MRM3: variants seen among roughly 807,000 people sequenced by gnomAD.
The protein encoded by MRM3 is rRNA methyltransferase 3, mitochondrial.
A neutral mutation model predicts 29.4 loss-of-function variants in MRM3; 26 were observed. The observed-to-expected ratio is 0.89, with a 90% CI of 0.65 to 1.23. The LOEUF is 1.23. Among genes scored for constraint, MRM3 ranks in the 50% most tolerant of loss-of-function variants. The pLI, the probability that MRM3 is intolerant of heterozygous loss-of-function variation, is 0.00. For synonymous variants in MRM3, 225 were observed against 219.0 expected, an observed-to-expected ratio of 1.03 and a Z score of -0.24; for missense variants, 578 against 540.2, an observed-to-expected ratio of 1.07 and a Z score of -0.69.
Position 787,610 on chromosome 17 carries a change from G to A in MRM3, c.560-355G>A, listed in dbSNP as rs1009085929. Among the ~76,000 whole-genome samples, 1 of 151,876 alleles carries A rather than the reference G, an allele frequency of 6.6e-6. No individual in the cohort carries two copies. Among genetic ancestry groups the A allele is most frequent in the Non-Finnish European group, 1.5e-5 (1 of 67,956 alleles). On this transcript the variant is annotated intron_variant, in intron 2 of 3. Coordinates refer to ENST00000304478, the MANE Select transcript of MRM3 (RefSeq NM_018146.4). This position sits in a 1 kb window ranked among gnomAD's most constrained non-coding sequence, Gnocchi z 4.1. ...GTCGCCCAGGCTGGAGTGCAGTGGC[G>A]TGATCTTGGCTCACCACAACCTCCA...
chr17:785,655 C>G (rs561533385), intron 2 of MRM3, among the ~76,000 whole-genome samples: 1 of 152,318 alleles, frequency 6.6e-6, no homozygotes, highest in South Asian at 2.1e-4. Context: ...CCTACAGCCC[C>G]TTCGTTTTGC....
intron 2 of MRM3, among the ~76,000 whole-genome samples, chr17:783,776 A>G (rs1342821000): frequency 6.6e-6 from 1 of 152,238 alleles, no homozygotes; most frequent in Non-Finnish European, 1.5e-5. Context: ...GAGTATTTTC[A>G]ATGGAAATTG....
chr17:783,702 G>A (rs534242252), intron 2 of MRM3, among the ~76,000 whole-genome samples: 7 of 152,284 alleles, frequency 4.6e-5, no homozygotes, highest in Admixed American at 3.9e-4. Context: ...TAGGACAGCA[G>A]CATTGAAATG....
rs1161704844 is a variant in MRM3, at chr17:788,127, C to G, written c.722C>G (p.Thr241Ser). The change falls in exon 3 of 4, where the codon ACC becomes AGC. Residue 241 changes from threonine (T) to serine (S), a missense_variant. Thr to Ser is a moderately conservative substitution (Grantham distance 58). Transcript: ENST00000304478. Reference protein sequence around the residue: ...AGAGCSKVLLTKGCVDAWEPK... With the variant: ...AGAGCSKVLLSKGCVDAWEPK... ...GCAGGCTGCAGCAAAGTGTTACTCACCAAAGGTAAGGACATCAAAGGCCAG... is the reference window on the plus strand; with the variant it reads ...GCAGGCTGCAGCAAAGTGTTACTCAGCAAAGGTAAGGACATCAAAGGCCAG... The G allele has an allele frequency of 6.2e-7, 1 of 1,614,042 alleles. No homozygotes were observed. The highest frequency in any genetic ancestry group is 8.5e-7 in the Non-Finnish European group (1 of 1,179,992).
At chr17:788,542 G>C (rs575622105) in intron 3 of MRM3, among the ~76,000 whole-genome samples, 1 of 150,398 alleles carries the variant, frequency 6.6e-6, no homozygotes, top group Admixed American at 6.6e-5. Flanking sequence ...TGTTGAACTG[G>C]CTCTGACTCA....
At chr17:786,512 T>G (rs1210644878) in intron 2 of MRM3, among the ~76,000 whole-genome samples, 1 of 152,056 alleles carries the variant, frequency 6.6e-6, no homozygotes, top group Non-Finnish European at 1.5e-5. Flanking sequence ...CCTAACCTCA[T>G]GATCCGCCCA....
chr17:783,054 CT>C (rs773249946), intron 1 of MRM3, 28 bp from the exon 2 acceptor site: 132 of 1,512,366 alleles, frequency 8.7e-5, no homozygotes, highest in African/African-American at 7.8e-4. Context: ...TGATAGTTAC[CT>C]GTTTTTTTTT....
intron 3 of MRM3, among the ~76,000 whole-genome samples, chr17:788,374 C>CA (rs1910637075): frequency 1.3e-5 from 2 of 151,724 alleles, no homozygotes; most frequent in South Asian, 4.2e-4. Flanking sequence ...CAAAGCTCAT[C>CA]ACATGTCAAG....
rs150374038 is a variant in MRM3, at chr17:791,019, T to G, written c.728-515T>G. On this transcript the variant is annotated intron_variant, in intron 3 of 3. Coordinates refer to ENST00000304478, the MANE Select transcript of MRM3 (RefSeq NM_018146.4). Reference sequence around the variant, plus strand: ...GTGCCGCCACAGCGCCACCGCTGATTGGCCGGCTCACCATGCTTGCAGTCC... The same window carrying G: ...GTGCCGCCACAGCGCCACCGCTGATGGGCCGGCTCACCATGCTTGCAGTCC... 3.6e-3 allele frequency among the ~76,000 whole-genome samples: 551 copies of G among 152,134 alleles called. 1 individual carries two copies. The highest frequency in any genetic ancestry group is 5.2e-3 in the Non-Finnish European group (351 of 67,978).
intron 2 of MRM3, among the ~76,000 whole-genome samples, chr17:786,878 G>A (rs1910558907): frequency 6.6e-6 from 1 of 152,174 alleles, no homozygotes; most frequent in Admixed American, 6.5e-5. Context: ...AGCAGCATTT[G>A]TAACAGGGAA....
chr17:789,280 C>T (rs11658079), intron 3 of MRM3, among the ~76,000 whole-genome samples: 132,620 of 152,246 alleles, frequency 0.87, 57,987 homozygotes, highest in African/African-American at 0.95. Flanking sequence ...ATATGAGCCA[C>T]TCCTGAGTCT....
At chr17:789,176 C>T (rs542062316) in intron 3 of MRM3, among the ~76,000 whole-genome samples, 1 of 152,268 alleles carries the variant, frequency 6.6e-6, no homozygotes, top group Non-Finnish European at 1.5e-5. Flanking sequence ...TGTTAGAGAA[C>T]TTCACATCGA....
At chr17:785,634 C>T (rs1482656740) in intron 2 of MRM3, among the ~76,000 whole-genome samples, 5 of 152,200 alleles carry the variant, frequency 3.3e-5, no homozygotes, top group Non-Finnish European at 7.3e-5. Context: ...GTGACTCAAG[C>T]GTTCACTGCA....
At chr17:783,544 C>A in intron 2 of MRM3, 1 of 407,178 alleles carries the variant, frequency 2.5e-6, no homozygotes, top group Non-Finnish European at 4.5e-6. Context: ...ACCATGTTGG[C>A]CAGGCTGACG....
chr17:786,163 C>T (rs1057034498), intron 2 of MRM3, among the ~76,000 whole-genome samples: 3 of 152,312 alleles, frequency 2.0e-5, no homozygotes, highest in South Asian at 4.1e-4. Context: ...TGCAGTGGCG[C>T]GATCTTGCCT....
chr17:788,315 C>T (rs571461709), intron 3 of MRM3, 183 bp downstream of exon 3: 1 of 566,966 alleles, frequency 1.8e-6, no homozygotes, highest in African/African-American at 1.9e-5. Context: ...GTACTCAGTC[C>T]CAGCAACTTG....
At position 788,300 on chromosome 17, in the gene MRM3, T is replaced by C. The variant is rs1315208043; in HGVS notation, c.727+168T>C. ...ACAATTAGCTGGGTGTGGTGGGGTG[T>C]GCCTGTACTCAGTCCCAGCAACTTG... On this transcript the variant is annotated intron_variant, in intron 3 of 3. Coordinates refer to ENST00000304478, the MANE Select transcript of MRM3 (RefSeq NM_018146.4). 4.8e-6 allele frequency: 3 copies of C among 623,766 alleles called. No individual in the cohort carries two copies. In the Admixed American group the frequency reaches 9.1e-5, roughly 19 times the overall value. The allele number at this position is 623,766 out of a possible 1,614,324, so 38.6% of individuals were successfully genotyped here.
intron 1 of MRM3, 27 bp from the exon 2 acceptor site, chr17:783,055 TG>T: frequency 6.6e-7 from 1 of 1,504,588 alleles, no homozygotes; most frequent in Non-Finnish European, 8.8e-7. Context: ...GATAGTTACC[TG>T]TTTTTTTTTT....
chr17:783,142 T>C lies in MRM3; in HGVS notation c.374T>C (p.Leu125Pro), dbSNP rs1910273702. 2 of 1,614,018 alleles carry C rather than the reference T, an allele frequency of 1.2e-6. No individual in the cohort carries two copies. Among genetic ancestry groups the C allele is most frequent in the Admixed American group, 1.7e-5 (1 of 60,000 alleles). The change falls in exon 2 of 4, where the codon CTG becomes CCG. Residue 125 changes from leucine to proline, a missense_variant. Transcript: ENST00000304478. ...PFREKQGKIL[L>P]EGRRLISDAL... is the part of the protein sequence containing the mutation. ...CGGGAAAAACAAGGGAAGATCCTGC[T>C]GGAAGGTCGCAGGCTCATTTCAGAC...
Sources: gnomAD v4.1 joint callset for allele counts (sites outside exome capture counted in the v4.1 genomes callset) on GRCh38, gnomAD v4.1.1 for gene constraint, Gnocchi (gnomAD v3.1) non-coding constraint, MANE v1.5 for transcripts, NCBI Gene and HGNC (gene_info 2026-07-23, HGNC 2026-07-21) for gene names.